Variants in ZFP14 observed in about 807,000 individuals in gnomAD.
ZFP14 encodes ZFP14 zinc finger protein.
In ZFP14, 22 loss-of-function variants were observed where a neutral mutation model predicts 54.5. That is an observed-to-expected ratio of 0.40 (90% CI 0.29 to 0.58). The LOEUF is 0.58. Among genes scored for constraint, ZFP14 ranks in the 20% least tolerant of loss-of-function variants. The pLI is 0.39. For missense variants in ZFP14, 470 were observed against 637.8 expected (o/e 0.74, Z 2.83); for synonymous variants, 159 against 204.0 (o/e 0.78, Z 1.88).
intron 4 of ZFP14, among the ~76,000 whole-genome samples, chr19:36,343,813 C>G (rs1232279584): frequency 2.0e-5 from 3 of 152,090 alleles, no homozygotes; most frequent in African/African-American, 7.2e-5. Context: ...GCTGAGTGTG[C>G]TAGCTCAGGT....
chr19:36,368,395 G>A (rs1457856793), intron 1 of ZFP14, among the ~76,000 whole-genome samples: 1 of 152,182 alleles, frequency 6.6e-6, no homozygotes, highest in Non-Finnish European at 1.5e-5. Flanking sequence ...TTGAACCCAG[G>A]AGGCGGAGGT....
In ZFP14 at chr19:36,350,967, G is replaced by A. The variant is rs1249101929; in HGVS notation, c.236-9377C>T. Reference sequence around the variant, plus strand: ...TTTTGTACCCTTTAAAAATTAAGACGTAATAAAGATATTTTCTAATAAAAC... The same window carrying A: ...TTTTGTACCCTTTAAAAATTAAGACATAATAAAGATATTTTCTAATAAAAC... On this transcript the variant is annotated intron_variant, in intron 4 of 4. Transcript: ENST00000270001. Among the ~76,000 whole-genome samples the A allele has an allele frequency of 2.1e-5, 3 of 142,992 alleles. 1 individual carries two copies. The highest frequency in any genetic ancestry group is 4.1e-4 in the East Asian group (2 of 4,840). The allele number at this position is 142,992 out of a possible 152,430, so 93.8% of individuals were successfully genotyped here. A position where few individuals can be genotyped will look rare whatever the true frequency, so the allele number is the denominator to read the frequency against.
chr19:36,341,341 T>C lies in ZFP14; in HGVS notation c.485A>G (p.Tyr162Cys). ...CTTTTCTCCATTATGAACGATCTGATACTCAGTAAGAAAATTGTGCCTTTT... is the reference window on the plus strand; with the variant it reads ...CTTTTCTCCATTATGAACGATCTGACACTCAGTAAGAAAATTGTGCCTTTT... ...TYKRHNFLTE[Y>C]QIVHNGEKVY... Residue 162 changes from tyrosine to cysteine, a missense_variant, in exon 5 of 5, where the codon TAT becomes TGT. By Grantham distance (194) the Tyr-to-Cys change is radical. Transcript: ENST00000270001. The surrounding 1 kb of genome is among the most constrained non-coding windows in gnomAD (Gnocchi z 4.2). 6.2e-7 allele frequency: 1 copy of C among 1,614,200 alleles called. No individual in the cohort carries two copies. Among genetic ancestry groups the C allele is most frequent in the African/African-American group, 1.3e-5 (1 of 75,072 alleles).
intron 4 of ZFP14, among the ~76,000 whole-genome samples, chr19:36,351,217 A>G (rs1438872004): frequency 6.9e-6 from 1 of 144,126 alleles, no homozygotes; most frequent in Non-Finnish European, 1.5e-5. Flanking sequence ...ATGACAACAG[A>G]GCTGGGTACA....
rs2031266446 is a variant in ZFP14 at position 36,339,375 on chromosome 19, C to T, written c.*849G>A. ...GACTCTAAACAGGCCCCCCAGTGGT[C>T]CTGTCTCCAGGACTTATTCACACTC... On this transcript the variant is annotated 3_prime_UTR_variant, in exon 5 of 5. Coordinates refer to ENST00000270001, the MANE Select transcript of ZFP14 (RefSeq NM_020917.3). The T allele has an allele frequency of 6.6e-6, 1 of 152,206 alleles. No homozygotes were observed. The highest frequency in any genetic ancestry group is 2.4e-5 in the African/African-American group (1 of 41,448). The allele number at this position is 152,206 out of a possible 1,614,324, so 9.4% of individuals were successfully genotyped here. A position where few individuals can be genotyped will look rare whatever the true frequency, so the allele number is the denominator to read the frequency against.
At position 36,350,250 on chromosome 19, in the gene ZFP14, G is replaced by A. The variant is rs1345421406; in HGVS notation, c.236-8660C>T. Among the ~76,000 whole-genome samples, 24 of 142,738 alleles carry A rather than the reference G, an allele frequency of 1.7e-4. 2 individuals are homozygous for A. The highest frequency in any genetic ancestry group is 5.9e-4 in the African/African-American group (23 of 38,906). The allele number at this position is 142,738 out of a possible 152,430, so 93.6% of individuals were successfully genotyped here. ...CAAAAATGAGAAACAAACACTATCT[G>A]AAGATATAGTAACCAGAATTTTCCC... On this transcript the variant is annotated intron_variant, in intron 4 of 4. Transcript: ENST00000270001.
chr19:36,372,068 A>G (rs2031887730), intron 1 of ZFP14, among the ~76,000 whole-genome samples: 1 of 149,288 alleles, frequency 6.7e-6, no homozygotes, highest in Non-Finnish European at 1.5e-5. Flanking sequence ...GAAAAAGAAG[A>G]AAGGAAGGGA....
chr19:36,371,986 T>TGGAGGGAG (rs61447686), intron 1 of ZFP14, among the ~76,000 whole-genome samples: 36 of 103,366 alleles, frequency 3.5e-4, no homozygotes, highest in Non-Finnish European at 3.9e-4. Flanking sequence ...GAAGGAGGGA[T>TGGAGGGAG]GGAGGGAGGG....
At chr19:36,370,593 C>G (rs1240966080) in intron 1 of ZFP14, among the ~76,000 whole-genome samples, 1 of 152,250 alleles carries the variant, frequency 6.6e-6, no homozygotes, top group Non-Finnish European at 1.5e-5. Flanking sequence ...TCACAGTGGT[C>G]TCAGGCTTTG....
At chr19:36,374,282 G>A (rs575768543) in intron 1 of ZFP14, among the ~76,000 whole-genome samples, 1 of 152,066 alleles carries the variant, frequency 6.6e-6, no homozygotes, top group African/African-American at 2.4e-5. Context: ...CCTGAGGTCA[G>A]GAGTTCAAGA....
intron 4 of ZFP14, among the ~76,000 whole-genome samples, chr19:36,345,505 T>G (rs1433678910): frequency 2.0e-5 from 3 of 152,108 alleles, no homozygotes; most frequent in Non-Finnish European, 4.4e-5. Context: ...GATGTGGGCT[T>G]GAAGATCATG....
In ZFP14 at chr19:36,339,065, G is replaced by C. The variant is rs1281204513; in HGVS notation, c.*1159C>G. 1.3e-5 allele frequency: 2 copies of C among 151,974 alleles called. No individual in the cohort carries two copies. The highest frequency in any genetic ancestry group is 2.9e-5 in the Non-Finnish European group (2 of 67,984). 9.4% of individuals were successfully genotyped at this position (151,974 alleles called of 1,614,324 possible). A position where few individuals can be genotyped will look rare whatever the true frequency, so the allele number is the denominator to read the frequency against. ...CTCACATTCATGAAATTCATTTTTG[G>C]CATGAAATTTCTAATGCAGCTCAAG... On this transcript the variant is annotated 3_prime_UTR_variant, in exon 5 of 5. Transcript: ENST00000270001.
intron 4 of ZFP14, among the ~76,000 whole-genome samples, chr19:36,345,135 T>C (rs1331873397): frequency 6.6e-6 from 1 of 152,148 alleles, no homozygotes; most frequent in Non-Finnish European, 1.5e-5. Flanking sequence ...TTTTGGCAAA[T>C]GCCTGTAATC....
chr19:36,360,267 G>T (rs914222879), intron 4 of ZFP14, 168 bp downstream of exon 4: 1 of 416,686 alleles, frequency 2.4e-6, no homozygotes, highest in Non-Finnish European at 4.2e-6. Context: ...TCCTTTGCTA[G>T]TCCAGGCTTA....
At chr19:36,353,777 A>G (rs2031568479) in intron 4 of ZFP14, among the ~76,000 whole-genome samples, 1 of 140,598 alleles carries the variant, frequency 7.1e-6, no homozygotes, top group Non-Finnish European at 1.6e-5. Flanking sequence ...CTTAAAATAA[A>G]AAAAAGTCAG....
intron 4 of ZFP14, among the ~76,000 whole-genome samples, chr19:36,359,317 T>C (rs1421010390): frequency 6.6e-6 from 1 of 152,230 alleles, no homozygotes; most frequent in Non-Finnish European, 1.5e-5. Context: ...GATGGGTTTA[T>C]GCTTTTTTTG....
rs759749961 is a variant in ZFP14, at chr19:36,340,202, T to C, written c.*22A>G. 5.2e-6 allele frequency: 8 copies of C among 1,531,486 alleles called. No individual in the cohort carries two copies. In the South Asian group the frequency reaches 7.9e-5, roughly 15 times the overall value. The allele number at this position is 1,531,486 out of a possible 1,614,324, so 94.9% of individuals were successfully genotyped here. A position where few individuals can be genotyped will look rare whatever the true frequency, so the allele number is the denominator to read the frequency against. On this transcript the variant is annotated 3_prime_UTR_variant, in exon 5 of 5. Transcript: ENST00000270001. The surrounding 1 kb of genome is among the most constrained non-coding windows in gnomAD (Gnocchi z 5.4). ...TTTTCTGATGTTCTGTAACATCATATACATTTGAAGGCTTTCTTCTATTAA... is the reference window on the plus strand; with the variant it reads ...TTTTCTGATGTTCTGTAACATCATACACATTTGAAGGCTTTCTTCTATTAA...
At position 36,341,648 on chromosome 19, in the gene ZFP14, A is replaced by C; in HGVS notation, c.236-58T>G. 6.8e-7 allele frequency: 1 copy of C among 1,473,910 alleles called. No homozygotes were observed. Among genetic ancestry groups the C allele is most frequent in the Non-Finnish European group, 9.0e-7 (1 of 1,115,622 alleles). 91.3% of individuals were successfully genotyped at this position (1,473,910 alleles called of 1,614,324 possible). On this transcript the variant is annotated intron_variant, in intron 4 of 4. Transcript: ENST00000270001. The surrounding 1 kb of genome is among the most constrained non-coding windows in gnomAD (Gnocchi z 4.2). ...TTTTCCTGTTCCAGAAAGAAAAAAC[A>C]AACAAACAAAAAAACCACTTCTATA...
chr19:36,367,772 G>A, intron 2 of ZFP14, 112 bp downstream of exon 2: 2 of 1,321,520 alleles, frequency 1.5e-6, no homozygotes, highest in South Asian at 1.5e-5. Flanking sequence ...CCATGGAGCA[G>A]GTTCTTGGAT....
Sources: allele counts gnomAD v4.1 joint callset (sites outside exome capture counted in the v4.1 genomes callset), GRCh38; gene constraint gnomAD v4.1.1; non-coding constraint Gnocchi (gnomAD v3.1); transcripts MANE v1.5; gene names NCBI Gene and HGNC (gene_info 2026-07-23, HGNC 2026-07-21).